The following SEMA5A variants were observed in gnomAD, a reference collection of about 807,000 sequenced individuals.
The protein encoded by SEMA5A is semaphorin-5A.
In SEMA5A, 55 loss-of-function variants were observed where a neutral mutation model predicts 135.5. That is an observed-to-expected ratio of 0.41 (90% CI 0.33 to 0.51). The LOEUF is 0.51. Ranked by LOEUF, SEMA5A falls within the 20% of genes least tolerant of loss-of-function variation. The probability of loss-of-function intolerance (pLI) is 0.37; values close to 1 mark genes in which losing one functional copy is unlikely to be tolerated. For synonymous variants in SEMA5A, 580 were observed against 546.5 expected (o/e 1.06, Z -0.85); for missense variants, 1,290 against 1,419.9 (o/e 0.91, Z 1.47).
chr5:9,230,180 T>G (rs868041906), intron 6 of SEMA5A, among the ~76,000 whole-genome samples: 3 of 143,868 alleles, frequency 2.1e-5, no homozygotes, highest in African/African-American at 7.7e-5. Context: ...TTTTTTTTTT[T>G]GTAGGGTCAA....
chr5:9,150,726 T>C (rs1742588290), intron 12 of SEMA5A, among the ~76,000 whole-genome samples: 1 of 152,004 alleles, frequency 6.6e-6, no homozygotes, highest in Non-Finnish European at 1.5e-5. Flanking sequence ...TTAGAAAGCT[T>C]TGGAAAAACA....
rs1170429190 is a variant in SEMA5A at position 9,042,933 on chromosome 5, G to A, written c.3189C>T (p.Ala1063=). The change falls in exon 23 of 23, where the codon GCC becomes GCT. Residue 1063 remains alanine, a synonymous_variant. Transcript: ENST00000382496. The part of the protein sequence containing the change: ...PHLTGKTYSN[A]YFTDLNNYDE... Reference sequence around the variant, plus strand: ...CATAATTATTGAGATCTGTAAAGTAGGCATTAGAATAGGTCTTCCCAGTGA... The same window carrying A: ...CATAATTATTGAGATCTGTAAAGTAAGCATTAGAATAGGTCTTCCCAGTGA... The A allele has an allele frequency of 1.9e-6, 3 of 1,613,598 alleles. No individual in the cohort carries two copies. The highest frequency in any genetic ancestry group is 2.7e-5 in the African/African-American group (2 of 74,856).
intron 18 of SEMA5A, among the ~76,000 whole-genome samples, chr5:9,058,378 A>C (rs1401306810): frequency 6.6e-6 from 1 of 152,134 alleles, no homozygotes; most frequent in Non-Finnish European, 1.5e-5. Context: ...AACTCCTCCC[A>C]TGTTGCTAAA....
At chr5:9,327,796 T>C (rs769598720) in intron 4 of SEMA5A, among the ~76,000 whole-genome samples, 7 of 152,208 alleles carry the variant, frequency 4.6e-5, no homozygotes, top group African/African-American at 9.6e-5. Context: ...GCTGTGAGGA[T>C]TACAGATGAT....
At chr5:9,302,138 T>C (rs994820711) in intron 5 of SEMA5A, among the ~76,000 whole-genome samples, 4 of 152,186 alleles carry the variant, frequency 2.6e-5, no homozygotes, top group African/African-American at 7.2e-5. Context: ...AAAACACATG[T>C]GATTGTATCT....
chr5:9,155,316 G>T (rs1269466063), intron 11 of SEMA5A, among the ~76,000 whole-genome samples: 1 of 152,000 alleles, frequency 6.6e-6, no homozygotes, highest in Non-Finnish European at 1.5e-5. Context: ...TTAATTTCTG[G>T]CCTGATCCAA....
intron 11 of SEMA5A, among the ~76,000 whole-genome samples, chr5:9,167,371 A>C (rs192201139): frequency 6.6e-6 from 1 of 152,318 alleles, no homozygotes; most frequent in African/African-American, 2.4e-5. Context: ...CAGTATACCC[A>C]AAACTGGAAA....
At chr5:9,282,374 G>A (rs2150566898) in intron 5 of SEMA5A, among the ~76,000 whole-genome samples, 1 of 152,242 alleles carries the variant, frequency 6.6e-6, no homozygotes, top group African/African-American at 2.4e-5. Flanking sequence ...CATGGGTATG[G>A]GCCACATATT....
intron 11 of SEMA5A, among the ~76,000 whole-genome samples, chr5:9,169,709 C>CTAG (rs1016283832): frequency 1.1e-4 from 17 of 152,116 alleles, no homozygotes; most frequent in Non-Finnish European, 2.1e-4. Context: ...CTAGTCAGGA[C>CTAG]TGACTATTCC....
intron 1 of SEMA5A, among the ~76,000 whole-genome samples, chr5:9,455,253 ATTTATT>A (rs1428755708): frequency 9.4e-5 from 13 of 138,204 alleles, no homozygotes; most frequent in African/African-American, 2.4e-4. Flanking sequence ...TATTTTATTT[ATTTATT>A]TTTTTTTTTT....
intron 3 of SEMA5A, among the ~76,000 whole-genome samples, chr5:9,359,796 T>C (rs1018907432): frequency 2.6e-5 from 4 of 152,116 alleles, no homozygotes; most frequent in Admixed American, 6.5e-5. Context: ...CAAAAAACTA[T>C]GAAAAAAATT....
At chr5:9,046,228 C>T (rs1290851061) in intron 21 of SEMA5A, among the ~76,000 whole-genome samples, 2 of 152,198 alleles carry the variant, frequency 1.3e-5, no homozygotes, top group African/African-American at 2.4e-5. Flanking sequence ...GTCACTAATA[C>T]CTTTCCCTGA....
At chr5:9,181,250 C>G (rs1744493310) in intron 11 of SEMA5A, among the ~76,000 whole-genome samples, 1 of 152,136 alleles carries the variant, frequency 6.6e-6, no homozygotes. Flanking sequence ...AAATGATGCC[C>G]ATTGGCAGTA....
intron 8 of SEMA5A, among the ~76,000 whole-genome samples, chr5:9,206,750 G>T (rs763910084): frequency 1.1e-4 from 16 of 151,612 alleles, no homozygotes; most frequent in Non-Finnish European, 1.9e-4. Flanking sequence ...GTCAAAAGTC[G>T]CCTTGTGAGA....
chr5:9,422,018 T>C (rs1757487833), intron 2 of SEMA5A, among the ~76,000 whole-genome samples: 1 of 152,198 alleles, frequency 6.6e-6, no homozygotes, highest in Non-Finnish European at 1.5e-5. Flanking sequence ...CAAATTACAG[T>C]CTATCCCTTA....
chr5:9,428,086 GTGTA>G (rs1561244994), intron 2 of SEMA5A, among the ~76,000 whole-genome samples: 1 of 22,440 alleles, frequency 4.5e-5, no homozygotes, highest in Admixed American at 2.1e-4. Context: ...ATATATGTGT[GTGTA>G]TATATATATA....
intron 3 of SEMA5A, among the ~76,000 whole-genome samples, chr5:9,375,541 G>A (rs192415542): frequency 4.0e-5 from 6 of 150,574 alleles, no homozygotes; most frequent in East Asian, 3.9e-4. Context: ...TGCAAACACC[G>A]TAATTTTGGA....
At chr5:9,389,715 T>TTTG (rs914461103) in intron 2 of SEMA5A, among the ~76,000 whole-genome samples, 2 of 152,306 alleles carry the variant, frequency 1.3e-5, no homozygotes, top group South Asian at 2.1e-4. Context: ...TTCAGCCATT[T>TTTG]TTGTTGTTGT....
chr5:9,378,144 C>T (rs112615483), intron 3 of SEMA5A, among the ~76,000 whole-genome samples: 7 of 151,922 alleles, frequency 4.6e-5, no homozygotes, highest in African/African-American at 1.7e-4. Context: ...TTATTCATCC[C>T]CTTTGGATGA....
Sources: gnomAD v4.1 joint callset for allele counts (sites outside exome capture counted in the v4.1 genomes callset) on GRCh38, gnomAD v4.1.1 for gene constraint, MANE v1.5 for transcripts, NCBI Gene and HGNC (gene_info 2026-07-23, HGNC 2026-07-21) for gene names.